TMTC2: variants seen among roughly 807,000 people sequenced by gnomAD.
The protein encoded by TMTC2 is transmembrane O-mannosyltransferase targeting cadherins 2.
TMTC2 carries 43 observed loss-of-function variants against 82.4 expected under a neutral mutation model. The ratio of observed to expected loss-of-function variants is 0.52; its 90% CI spans 0.41 to 0.67. The LOEUF (loss-of-function observed/expected upper bound fraction) is 0.67, where lower values mean the gene tolerates loss of function less well. Among genes scored for constraint, TMTC2 ranks in the 30% least tolerant of loss-of-function variants. The pLI is 0.00. For missense variants in TMTC2, 919 were observed against 1,012.4 expected (o/e 0.91, Z 1.25); for synonymous variants, 408 against 381.9 (o/e 1.07, Z -0.80).
At chr12:82,970,141 C>T (rs886449055) in intron 7 of TMTC2, among the ~76,000 whole-genome samples, 4 of 152,198 alleles carry the variant, frequency 2.6e-5, no homozygotes, top group African/African-American at 9.7e-5. Context: ...GGCTTTGATA[C>T]TTTCTCCCTG....
At chr12:82,836,093 A>G (rs1870024728) in intron 1 of TMTC2, among the ~76,000 whole-genome samples, 2 of 152,240 alleles carry the variant, frequency 1.3e-5, no homozygotes, top group South Asian at 4.1e-4. Context: ...TTATTTACTT[A>G]TATGCATACA....
At chr12:82,904,596 ACT>A (rs947151397) in intron 3 of TMTC2, among the ~76,000 whole-genome samples, 10 of 151,980 alleles carry the variant, frequency 6.6e-5, no homozygotes, top group Non-Finnish European at 1.2e-4. Context: ...TTTCACAATG[ACT>A]CTTTGCATTT....
chr12:83,084,309 T>A (rs991838721), intron 11 of TMTC2, among the ~76,000 whole-genome samples: 1 of 152,238 alleles, frequency 6.6e-6, no homozygotes, highest in Admixed American at 6.5e-5. Context: ...GTATAACCCT[T>A]TAACTTTGCT....
intron 1 of TMTC2, among the ~76,000 whole-genome samples, chr12:82,712,277 A>T (rs1040777315): frequency 1.3e-5 from 2 of 152,222 alleles, no homozygotes; most frequent in Non-Finnish European, 1.5e-5. Context: ...TAAAAATTCA[A>T]AAATTAGCTG....
At chr12:83,025,746 C>T (rs1565858835) in intron 8 of TMTC2, among the ~76,000 whole-genome samples, 2 of 152,322 alleles carry the variant, frequency 1.3e-5, no homozygotes, top group East Asian at 3.9e-4. Flanking sequence ...CCATGACCCT[C>T]TTCCTGGGTC....
chr12:82,752,147 C>CATT (rs58427886), intron 1 of TMTC2, among the ~76,000 whole-genome samples: 1,574 of 137,914 alleles, frequency 0.011, 301 homozygotes, highest in Middle Eastern at 0.019. Flanking sequence ...TTGGAAGCTC[C>CATT]TTTTTTTTTT....
intron 1 of TMTC2, among the ~76,000 whole-genome samples, chr12:82,719,489 G>C (rs1468721371): frequency 1.3e-5 from 2 of 152,104 alleles, no homozygotes; most frequent in African/African-American, 4.8e-5. Flanking sequence ...AAATTTTAGT[G>C]ACTCTTACTT....
intron 1 of TMTC2, among the ~76,000 whole-genome samples, chr12:82,774,627 AG>A (rs1565744786): frequency 6.7e-6 from 1 of 148,524 alleles, no homozygotes; most frequent in Non-Finnish European, 1.5e-5. Flanking sequence ...TCAAAAAAAA[AG>A]AACAATTTTT....
chr12:83,084,510 T>C (rs1355975057), intron 11 of TMTC2, among the ~76,000 whole-genome samples: 2 of 152,090 alleles, frequency 1.3e-5, no homozygotes, highest in Non-Finnish European at 2.9e-5. Flanking sequence ...AGATTTCTTT[T>C]AAAAAAAGAT....
At chr12:83,129,396 T>C (rs1182580869) in intron 11 of TMTC2, among the ~76,000 whole-genome samples, 2 of 152,162 alleles carry the variant, frequency 1.3e-5, no homozygotes, top group Admixed American at 1.3e-4. Context: ...ACAATTAGCA[T>C]TTAGAACTCA....
At chr12:82,702,746 G>A (rs1873143913) in intron 1 of TMTC2, among the ~76,000 whole-genome samples, 1 of 152,188 alleles carries the variant, frequency 6.6e-6, no homozygotes, top group South Asian at 2.1e-4. Flanking sequence ...GGGCAACATA[G>A]CGAGATTCCA....
intron 7 of TMTC2, among the ~76,000 whole-genome samples, chr12:82,980,175 A>G (rs2137327152): frequency 6.6e-6 from 1 of 151,958 alleles, no homozygotes. Context: ...AAATTCATCA[A>G]TCAATTAATT....
At chr12:82,797,118 CATT>C (rs1338320307) in intron 1 of TMTC2, among the ~76,000 whole-genome samples, 11 of 152,130 alleles carry the variant, frequency 7.2e-5, no homozygotes, top group African/African-American at 2.4e-4. Context: ...TTCGTAGTAT[CATT>C]ATCTTCCCTG....
At chr12:82,849,442 T>C (rs1209169890) in intron 1 of TMTC2, among the ~76,000 whole-genome samples, 1 of 152,148 alleles carries the variant, frequency 6.6e-6, no homozygotes, top group Non-Finnish European at 1.5e-5. Context: ...GGGAAACTTC[T>C]GAATTGAATT....
intron 1 of TMTC2, among the ~76,000 whole-genome samples, chr12:82,718,360 T>C (rs147085808): frequency 7.9e-5 from 12 of 152,232 alleles, no homozygotes; most frequent in Non-Finnish European, 1.3e-4. Flanking sequence ...ATGGTAATGC[T>C]AGAAATCAGT....
intron 11 of TMTC2, among the ~76,000 whole-genome samples, chr12:83,077,920 C>G (rs1413937230): frequency 2.8e-5 from 4 of 142,630 alleles, no homozygotes; most frequent in African/African-American, 1.1e-4. Context: ...GGGGCCTCAG[C>G]CAAAGAACCT....
chr12:83,036,939 A>G (rs1169645125), intron 9 of TMTC2, among the ~76,000 whole-genome samples: 1 of 152,120 alleles, frequency 6.6e-6, no homozygotes, highest in Non-Finnish European at 1.5e-5. Flanking sequence ...TCTCATGGGA[A>G]CTAATCCATA....
intron 1 of TMTC2, among the ~76,000 whole-genome samples, chr12:82,824,497 T>C (rs1378726068): frequency 6.6e-6 from 1 of 152,214 alleles, no homozygotes; most frequent in Non-Finnish European, 1.5e-5. Flanking sequence ...AGAAATGAAA[T>C]GCAATTTAGG....
intron 3 of TMTC2, among the ~76,000 whole-genome samples, chr12:82,921,946 TA>T (rs918557446): frequency 1.9e-3 from 251 of 135,240 alleles, no homozygotes; most frequent in Middle Eastern, 3.7e-3. Context: ...AAATTAAAAT[TA>T]AAAAAAAAAA....
Sources: allele counts gnomAD v4.1 joint callset (sites outside exome capture counted in the v4.1 genomes callset), GRCh38; gene constraint gnomAD v4.1.1; transcripts MANE v1.5; gene names NCBI Gene and HGNC (gene_info 2026-07-23, HGNC 2026-07-21).